The following ACSL1 variants were observed in gnomAD, a reference collection of about 807,000 sequenced individuals.
The protein encoded by ACSL1 is long-chain-fatty-acid--CoA ligase 1.
A neutral mutation model predicts 98.4 loss-of-function variants in ACSL1; 41 were observed. The ratio of observed to expected loss-of-function variants is 0.42; its 90% CI spans 0.32 to 0.54. ACSL1 has a LOEUF of 0.54. Ranked by LOEUF, ACSL1 falls within the 20% of genes least tolerant of loss-of-function variation. ACSL1 has a pLI of 0.13. For missense variants in ACSL1, 734 were observed against 883.1 expected (o/e 0.83, Z 2.14); for synonymous variants, 316 against 322.7 (o/e 0.98, Z 0.22).
chr4:184,809,602 C>T (rs1203978764), intron 1 of ACSL1, among the ~76,000 whole-genome samples: 1 of 151,922 alleles, frequency 6.6e-6, no homozygotes, highest in Non-Finnish European at 1.5e-5. Flanking sequence ...ACCATCCTGG[C>T]TAACACGGTG....
rs563752561 is a variant in ACSL1, at chr4:184,789,099, G to A, written c.196-368C>T. Among the ~76,000 whole-genome samples the A allele has an allele frequency of 1.8e-4, 28 of 152,338 alleles. No individual in the cohort carries two copies. The South Asian group carries it at 2.9e-3, about 16-fold the overall frequency. On this transcript the variant is annotated intron_variant, in intron 2 of 20. Coordinates refer to ENST00000281455, the MANE Select transcript of ACSL1 (RefSeq NM_001995.5). Reference sequence around the variant, plus strand: ...CGCACCCCTCTAGGCGGCCACCTGCGGAACAGCTGCCCAGTGAGTGAGTGC... The same window carrying A: ...CGCACCCCTCTAGGCGGCCACCTGCAGAACAGCTGCCCAGTGAGTGAGTGC...
At chr4:184,769,550 G>A (rs1015368246) in intron 11 of ACSL1, among the ~76,000 whole-genome samples, 1 of 152,230 alleles carries the variant, frequency 6.6e-6, no homozygotes, top group Admixed American at 6.5e-5. Flanking sequence ...AGCAACTCAT[G>A]TGAGATTGCT....
In ACSL1 at chr4:184,803,492, C is replaced by G. The variant is rs201421906; in HGVS notation, c.23G>C (p.Arg8Pro). ...AACCAGCTCTGGCATTCGAAAATAC[C>G]GGAACAGCTCATGGGCTTGCATTGT... MQAHELF[R>P]YFRMPELVDF... Residue 8 changes from arginine (R) to proline (P), a missense_variant, in exon 2 of 21, where the codon CGG becomes CCG. Transcript: ENST00000281455. This position sits in a 1 kb window ranked among gnomAD's most constrained non-coding sequence, Gnocchi z 4.8. 1.9e-6 allele frequency: 3 copies of G among 1,599,650 alleles called. No homozygotes were observed. The South Asian group carries it at 3.4e-5, about 18-fold the overall frequency.
At chr4:184,765,066 T>C in intron 14 of ACSL1, 141 bp from the exon 15 acceptor site, 2 of 806,216 alleles carry the variant, frequency 2.5e-6, no homozygotes, top group Non-Finnish European at 3.9e-6. Flanking sequence ...TTCAGTAAGT[T>C]CATTCAATGG....
chr4:184,815,497 GA>G (rs978670448), intron 1 of ACSL1, among the ~76,000 whole-genome samples: 12 of 152,116 alleles, frequency 7.9e-5, no homozygotes, highest in African/African-American at 2.7e-4. Flanking sequence ...CCTGGGGGGG[GA>G]AACTGGGAAG....
At position 184,773,897 on chromosome 4, in the gene ACSL1, G is replaced by A; in HGVS notation, c.757-22C>T. 1.2e-6 allele frequency: 2 copies of A among 1,613,662 alleles called. No individual in the cohort carries two copies. The highest frequency in any genetic ancestry group is 2.2e-5 in the East Asian group (1 of 44,876). Reference sequence around the variant, plus strand: ...GGTCCTTAATTAGAAGAGAAAAAAAGTCTTAAATGGAAACGTTTTCTAACT... The same window carrying A: ...GGTCCTTAATTAGAAGAGAAAAAAAATCTTAAATGGAAACGTTTTCTAACT... On this transcript the variant is annotated intron_variant, in intron 7 of 20. Transcript: ENST00000281455. This position sits in a 1 kb window ranked among gnomAD's most constrained non-coding sequence, Gnocchi z 4.3.
In ACSL1 at chr4:184,778,385, C is replaced by A. The variant is rs567196218; in HGVS notation, c.478-1402G>T. 1.1e-4 allele frequency among the ~76,000 whole-genome samples: 16 copies of A among 152,324 alleles called. No individual in the cohort carries two copies. In the South Asian group the frequency reaches 3.3e-3, roughly 32 times the overall value. On this transcript the variant is annotated intron_variant, in intron 5 of 20. Coordinates refer to ENST00000281455, the MANE Select transcript of ACSL1 (RefSeq NM_001995.5). Reference sequence around the variant, plus strand: ...CAGCCAACAACATAGAAATCAGGTCCCAGCTCCTTAGGCACATGTGACGCA... The same window carrying A: ...CAGCCAACAACATAGAAATCAGGTCACAGCTCCTTAGGCACATGTGACGCA...
chr4:184,790,356 T>A (rs1768133546), intron 2 of ACSL1, among the ~76,000 whole-genome samples: 1 of 152,238 alleles, frequency 6.6e-6, no homozygotes, highest in African/African-American at 2.4e-5. Context: ...GTTTGGTAAA[T>A]TCCTCCCAGT....
chr4:184,822,846 C>A (rs1773174114), intron 1 of ACSL1, among the ~76,000 whole-genome samples: 1 of 152,176 alleles, frequency 6.6e-6, no homozygotes, highest in Non-Finnish European at 1.5e-5. Context: ...CAACCCAAGG[C>A]TTGCCACAAA....
intron 2 of ACSL1, among the ~76,000 whole-genome samples, chr4:184,794,284 C>G (rs1579923908): frequency 6.6e-6 from 1 of 152,248 alleles, no homozygotes; most frequent in South Asian, 2.1e-4. Context: ...CAGACTACAT[C>G]TTTGATATAT....
Position 184,766,117 on chromosome 4 carries a change from G to A in ACSL1, c.1264-131C>T. ...GCAGACCACACGGAGGCCACACGGA[G>A]AACTCACAGCCCTCATGATGGCAGC... On this transcript the variant is annotated intron_variant, in intron 13 of 20. Transcript: ENST00000281455. This position sits in a 1 kb window ranked among gnomAD's most constrained non-coding sequence, Gnocchi z 4.8. 1 of 766,508 alleles carries A rather than the reference G, an allele frequency of 1.3e-6. No homozygotes were observed. The highest frequency in any genetic ancestry group is 2.7e-5 in the East Asian group (1 of 36,808). 47.5% of individuals were successfully genotyped at this position (766,508 alleles called of 1,614,324 possible).
intron 4 of ACSL1, 91 bp from the exon 5 acceptor site, chr4:184,780,524 A>ATTGCTTGCTGGCTG: frequency 1.1e-6 from 1 of 873,158 alleles, no homozygotes; most frequent in Non-Finnish European, 1.9e-6. Context: ...CTCAGCCAGC[A>ATTGCTTGCTGGCTG]AGCAATGCTG....
intron 3 of ACSL1, among the ~76,000 whole-genome samples, chr4:184,786,229 C>T (rs185681643): frequency 6.6e-6 from 1 of 152,114 alleles, no homozygotes; most frequent in African/African-American, 2.4e-5. Context: ...GAAGCGTGGT[C>T]TTTATTTAGA....
chr4:184,791,209 G>A (rs1173366927), intron 2 of ACSL1, among the ~76,000 whole-genome samples: 1 of 152,220 alleles, frequency 6.6e-6, no homozygotes, highest in Non-Finnish European at 1.5e-5. Flanking sequence ...ACCACTTTCT[G>A]CACTCTGCAG....
At chr4:184,788,553 A>C (rs1767808994) in intron 3 of ACSL1, 64 bp downstream of exon 3, 7 of 1,303,488 alleles carry the variant, frequency 5.4e-6, no homozygotes, top group Non-Finnish European at 6.7e-6. Context: ...GCATTTCTGA[A>C]AGGCCACTCG....
chr4:184,792,997 C>T (rs999691109), intron 2 of ACSL1, among the ~76,000 whole-genome samples: 5 of 152,106 alleles, frequency 3.3e-5, no homozygotes, highest in Non-Finnish European at 7.4e-5. Context: ...TTGGCCCTTA[C>T]GGCCTTCTGA....
At chr4:184,822,988 T>C (rs1773187190) in intron 1 of ACSL1, among the ~76,000 whole-genome samples, 1 of 152,224 alleles carries the variant, frequency 6.6e-6, no homozygotes, top group South Asian at 2.1e-4. Flanking sequence ...TCAGGGCTTG[T>C]GCTCCTTTAA....
At position 184,762,537 on chromosome 4, in the gene ACSL1, GATC is replaced by G. The variant is rs760488551; in HGVS notation, c.1522-17_1522-15del. ...TTTCACACACACCTAAAGAAAAGAA[GATC>G]ATCAGTGAACAGCATTTACTGGGGT... is the stretch of plus-strand genomic sequence containing the variant. On this transcript the variant is annotated splice_polypyrimidine_tract_variant and intron_variant, in intron 16 of 20. Coordinates refer to ENST00000281455, the MANE Select transcript of ACSL1 (RefSeq NM_001995.5). The G allele has an allele frequency of 1.2e-6, 2 of 1,606,050 alleles. No homozygotes were observed. Among genetic ancestry groups the G allele is most frequent in the Non-Finnish European group, 1.7e-6 (2 of 1,172,594 alleles).
chr4:184,779,836 TAAAGGCGATTA>T (rs1159303225), intron 5 of ACSL1, among the ~76,000 whole-genome samples: 1 of 151,970 alleles, frequency 6.6e-6, no homozygotes, highest in East Asian at 1.9e-4. Flanking sequence ...TTTTTTCTCT[TAAAGGCGATTA>T]AAAGGCCCTG....
Sources: gnomAD v4.1 joint callset for allele counts (sites outside exome capture counted in the v4.1 genomes callset) on GRCh38, gnomAD v4.1.1 for gene constraint, Gnocchi (gnomAD v3.1) non-coding constraint, MANE v1.5 for transcripts, NCBI Gene and HGNC (gene_info 2026-07-23, HGNC 2026-07-21) for gene names.